The following ARHGEF3 variants were observed in gnomAD, a reference collection of about 807,000 sequenced individuals.
ARHGEF3 encodes 59.8 kDA protein.
ARHGEF3 carries 28 observed loss-of-function variants against 63.2 expected under a neutral mutation model. The ratio of observed to expected loss-of-function variants is 0.44; its 90% CI spans 0.33 to 0.61. The LOEUF (loss-of-function observed/expected upper bound fraction) is 0.61, where lower values mean the gene tolerates loss of function less well. Among genes scored for constraint, ARHGEF3 ranks in the 20% least tolerant of loss-of-function variants. The pLI is 0.03. For missense variants in ARHGEF3, 533 were observed against 659.3 expected, an observed-to-expected ratio of 0.81 and a Z score of 2.10; for synonymous variants, 266 against 254.2, an observed-to-expected ratio of 1.05 and a Z score of -0.44.
Position 56,970,906 on chromosome 3 carries a change from C to T in ARHGEF3, c.63-12017G>A, listed in dbSNP as rs555790819. Among the ~76,000 whole-genome samples the T allele has an allele frequency of 3.3e-5, 5 of 152,326 alleles. No individual in the cohort carries two copies. The South Asian group carries it at 6.2e-4, about 19-fold the overall frequency. On this transcript the variant is annotated intron_variant, in intron 2 of 12. Coordinates refer to the ARHGEF3 transcript ENST00000338458. Reference sequence around the variant, plus strand: ...TATCTCTGATTCCTAGTTCCTCCATCTGTAAAATGAAGGTACTAACAAGAC... The same window carrying T: ...TATCTCTGATTCCTAGTTCCTCCATTTGTAAAATGAAGGTACTAACAAGAC...
At chr3:57,019,117 C>A (rs558498096) in intron 2 of ARHGEF3, among the ~76,000 whole-genome samples, 1 of 152,194 alleles carries the variant, frequency 6.6e-6, no homozygotes, top group Non-Finnish European at 1.5e-5. Context: ...ATCCTCCTGG[C>A]CTCCAGCCTA....
At chr3:56,759,999 T>G (rs2035329655) in intron 2 of ARHGEF3, among the ~76,000 whole-genome samples, 1 of 152,224 alleles carries the variant, frequency 6.6e-6, no homozygotes, top group South Asian at 2.1e-4. Flanking sequence ...CCTCCCATAG[T>G]CTGGACAGAC....
At chr3:56,752,947 C>T (rs2034863668) in intron 4 of ARHGEF3, among the ~76,000 whole-genome samples, 1 of 152,172 alleles carries the variant, frequency 6.6e-6, no homozygotes, top group African/African-American at 2.4e-5. Context: ...TGGATTTTAG[C>T]CTCCAAGCCA....
Position 56,729,473 on chromosome 3 carries a change from C to A in ARHGEF3, c.1378G>T (p.Val460Leu), listed in dbSNP as rs763452788. The change falls in exon 10 of 10, where the codon GTG becomes TTG. Residue 460 changes from valine (V) to leucine (L), a missense_variant. By Grantham distance (32) the Val-to-Leu change is conservative. Transcript: ENST00000296315. ...TVLCAAGQAG[V>L]LDSEGSFLNP... ...AGGAACGATCCCTCGGAGTCAAGCA[C>A]CCCAGCTTGCCCGGCAGCACACAAA... The A allele has an allele frequency of 6.2e-7, 1 of 1,614,174 alleles. No individual in the cohort carries two copies. Among genetic ancestry groups the A allele is most frequent in the South Asian group, 1.1e-5 (1 of 91,082 alleles).
At chr3:56,796,415 C>T (rs543776730) in intron 1 of ARHGEF3, among the ~76,000 whole-genome samples, 2 of 152,302 alleles carry the variant, frequency 1.3e-5, no homozygotes, top group South Asian at 4.1e-4. Flanking sequence ...ACAGAACTGA[C>T]GGTGGCACCT....
At chr3:56,960,927 CCTAA>C (rs1262974145) in intron 2 of ARHGEF3, 1 of 152,184 alleles carries the variant, frequency 6.6e-6, no homozygotes, top group Non-Finnish European at 1.5e-5. Flanking sequence ...GCTTTGCTTT[CCTAA>C]CTATTTGATG....
At chr3:56,989,092 G>C (rs1035935221) in intron 2 of ARHGEF3, among the ~76,000 whole-genome samples, 2 of 152,174 alleles carry the variant, frequency 1.3e-5, no homozygotes, top group Admixed American at 6.5e-5. Context: ...CTGCTGGCCG[G>C]TATTAGAAAA....
intron 4 of ARHGEF3, among the ~76,000 whole-genome samples, chr3:56,821,360 T>C (rs991384329): frequency 6.6e-6 from 1 of 152,162 alleles, no homozygotes; most frequent in Non-Finnish European, 1.5e-5. Context: ...CTCTCTACTT[T>C]TCCAGTATAA....
At chr3:56,936,894 A>AT (rs1278904772) in intron 3 of ARHGEF3, among the ~76,000 whole-genome samples, 1 of 152,150 alleles carries the variant, frequency 6.6e-6, no homozygotes, top group East Asian at 1.9e-4. Flanking sequence ...TAATTTTTGT[A>AT]TTTTTTGTAC....
intron 3 of ARHGEF3, among the ~76,000 whole-genome samples, chr3:56,891,553 G>C (rs956936455): frequency 6.6e-6 from 1 of 152,094 alleles, no homozygotes; most frequent in Admixed American, 6.6e-5. Flanking sequence ...GGTTGAAGAT[G>C]TTAGGTAGAC....
intron 2 of ARHGEF3, among the ~76,000 whole-genome samples, chr3:56,768,695 C>T (rs1026359281): frequency 3.5e-5 from 5 of 143,190 alleles, no homozygotes; most frequent in African/African-American, 7.8e-5. Flanking sequence ...AAGAAGATGA[C>T]GACAAAATCC....
intron 1 of ARHGEF3, among the ~76,000 whole-genome samples, chr3:57,071,651 C>T (rs1189817812): frequency 7.4e-6 from 1 of 135,334 alleles, no homozygotes; most frequent in Admixed American, 7.7e-5. Flanking sequence ...AAGAGCAAAA[C>T]TCCATCTCAA....
intron 3 of ARHGEF3, among the ~76,000 whole-genome samples, chr3:56,954,951 A>G (rs867804402): frequency 6.6e-6 from 1 of 152,122 alleles, no homozygotes; most frequent in Non-Finnish European, 1.5e-5. Flanking sequence ...CTCACTCAGC[A>G]AGACTTTCTT....
intron 1 of ARHGEF3, among the ~76,000 whole-genome samples, chr3:57,049,733 A>C (rs569631179): frequency 6.6e-6 from 1 of 152,212 alleles, no homozygotes; most frequent in Non-Finnish European, 1.5e-5. Context: ...ATGGCTGGGA[A>C]GGCAATTCCA....
chr3:56,821,597 G>A (rs147276649), intron 4 of ARHGEF3, among the ~76,000 whole-genome samples: 2,180 of 152,274 alleles, frequency 0.014, 24 homozygotes, highest in Non-Finnish European at 0.02. Flanking sequence ...GATATCTAGA[G>A]ATGTCAATAC....
Position 56,729,030 on chromosome 3 carries a change from T to C in ARHGEF3, c.*240A>G. ...TGAAAGTAACTTGTTTGAGTACCTC[T>C]CCATCCATCCAGACACTTGGGAAAT... On this transcript the variant is annotated 3_prime_UTR_variant, in exon 10 of 10. Transcript: ENST00000296315. The C allele has an allele frequency of 2.3e-6, 1 of 441,930 alleles. No individual in the cohort carries two copies. Among genetic ancestry groups the C allele is most frequent in the Non-Finnish European group, 4.0e-6 (1 of 250,796 alleles). The allele number at this position is 441,930 out of a possible 1,614,324, so 27.4% of individuals were successfully genotyped here.
At chr3:56,964,124 G>A (rs776187143) in intron 2 of ARHGEF3, among the ~76,000 whole-genome samples, 12 of 152,140 alleles carry the variant, frequency 7.9e-5, no homozygotes, top group Non-Finnish European at 1.3e-4. Flanking sequence ...GGCCGAGGCA[G>A]GCAGATCACC....
chr3:57,056,381 C>T (rs189761126), intron 1 of ARHGEF3, among the ~76,000 whole-genome samples: 2,908 of 60,870 alleles, frequency 0.048, 99 homozygotes, highest in African/African-American at 0.17. Flanking sequence ...AGCAAGACTC[C>T]ATCAAAAAAA....
chr3:56,823,447 C>A (rs2038593961), intron 4 of ARHGEF3, among the ~76,000 whole-genome samples: 1 of 152,086 alleles, frequency 6.6e-6, no homozygotes, highest in Non-Finnish European at 1.5e-5. Context: ...CCTCAAAATC[C>A]AACCCCACAG....
Sources: gnomAD v4.1 joint callset for allele counts (sites outside exome capture counted in the v4.1 genomes callset) on GRCh38, gnomAD v4.1.1 for gene constraint, MANE v1.5 for transcripts, NCBI Gene and HGNC (gene_info 2026-07-23, HGNC 2026-07-21) for gene names.